SLC26A7: variants seen among roughly 807,000 people sequenced by gnomAD.
The protein encoded by SLC26A7 is solute carrier family 26 member 7.
SLC26A7 carries 59 observed loss-of-function variants against 82.5 expected under a neutral mutation model. The ratio of observed to expected loss-of-function variants is 0.72; its 90% CI spans 0.58 to 0.89. SLC26A7 has a LOEUF of 0.89. SLC26A7 is among the 40% of genes least tolerant of loss of function. The pLI is 0.00. For synonymous variants in SLC26A7, 271 were observed against 274.3 expected, an observed-to-expected ratio of 0.99 and a Z score of 0.12; for missense variants, 820 against 793.0, an observed-to-expected ratio of 1.03 and a Z score of -0.41.
At chr8:91,387,009 T>C (rs909383379) in intron 15 of SLC26A7, among the ~76,000 whole-genome samples, 1 of 152,264 alleles carries the variant, frequency 6.6e-6, no homozygotes, top group East Asian at 1.9e-4. Flanking sequence ...CTCCATTATA[T>C]ATATTTTACC....
At chr8:91,286,723 G>A (rs181251703) in intron 2 of SLC26A7, among the ~76,000 whole-genome samples, 29 of 152,206 alleles carry the variant, frequency 1.9e-4, no homozygotes, top group Admixed American at 3.3e-4. Context: ...ATTTGTTAGC[G>A]ACTTATTAAG....
chr8:91,390,607 G>A (rs1348641506), intron 16 of SLC26A7, among the ~76,000 whole-genome samples: 2 of 151,958 alleles, frequency 1.3e-5, no homozygotes, highest in Non-Finnish European at 2.9e-5. Context: ...TTACTTCCCA[G>A]AGGTTTTCTT....
intron 2 of SLC26A7, among the ~76,000 whole-genome samples, chr8:91,284,434 TA>T (rs1235132889): frequency 1.3e-5 from 2 of 152,246 alleles, no homozygotes; most frequent in Non-Finnish European, 2.9e-5. Flanking sequence ...AGGAGACAAT[TA>T]AATTGTGTTT....
At chr8:91,213,698 G>A (rs1031068448) in intron 1 of SLC26A7, among the ~76,000 whole-genome samples, 2 of 152,210 alleles carry the variant, frequency 1.3e-5, no homozygotes, top group Non-Finnish European at 2.9e-5. Context: ...ACTGTAGGTT[G>A]TCTGGTTTGG....
At position 91,306,923 on chromosome 8, in the gene SLC26A7, A is replaced by G. The variant is rs574485513; in HGVS notation, c.477+11220A>G. 3.4e-3 allele frequency among the ~76,000 whole-genome samples: 520 copies of G among 151,362 alleles called. 1 individual carries two copies. Among genetic ancestry groups the G allele is most frequent in the African/African-American group, 0.012 (488 of 41,166 alleles). ...ATCTGACAAAGGGCTAATATCCAGA[A>G]TCTACAATGAACTCAAACAAATTTA... On this transcript the variant is annotated intron_variant, in intron 4 of 18. Coordinates refer to ENST00000276609, the MANE Select transcript of SLC26A7 (RefSeq NM_052832.4).
chr8:91,349,356 T>A (rs890506388), intron 9 of SLC26A7, among the ~76,000 whole-genome samples: 1 of 152,198 alleles, frequency 6.6e-6, no homozygotes, highest in Non-Finnish European at 1.5e-5. Context: ...ACTCTTGACT[T>A]ATTTTTACTA....
intron 2 of SLC26A7, among the ~76,000 whole-genome samples, chr8:91,231,131 G>A (rs1236783896): frequency 6.6e-6 from 1 of 152,108 alleles, no homozygotes; most frequent in East Asian, 1.9e-4. Context: ...TGGTAGAAAA[G>A]GATGAGTTTG....
At chr8:91,301,491 A>G (rs937691915) in intron 4 of SLC26A7, among the ~76,000 whole-genome samples, 1 of 152,068 alleles carries the variant, frequency 6.6e-6, no homozygotes, top group Non-Finnish European at 1.5e-5. Context: ...ATCTTTTCAA[A>G]TGTATTTACA....
At chr8:91,227,011 G>A (rs2130669822) in intron 2 of SLC26A7, among the ~76,000 whole-genome samples, 1 of 152,322 alleles carries the variant, frequency 6.6e-6, no homozygotes, top group South Asian at 2.1e-4. Flanking sequence ...ATCTGCTTCT[G>A]CCCTGTGGGG....
chr8:91,241,751 T>C (rs983385519), intron 2 of SLC26A7, among the ~76,000 whole-genome samples: 9 of 152,126 alleles, frequency 5.9e-5, no homozygotes, highest in Non-Finnish European at 7.4e-5. Context: ...ACCCTAAAAA[T>C]AATTATAAGC....
intron 2 of SLC26A7, among the ~76,000 whole-genome samples, chr8:91,239,395 AATATAT>A (rs1554600120): frequency 9.5e-5 from 9 of 94,872 alleles, no homozygotes; most frequent in African/African-American, 3.2e-4. Context: ...AAAAAAAAAA[AATATAT>A]ATATATATAT....
In SLC26A7 at chr8:91,353,009, T is replaced by G; in HGVS notation, c.1314+13T>G. ...TAAAATCGATTGGGTAAGTAGAAAT[T>G]TGACCTAAAACAATCCCTTTTTAGC... On this transcript the variant is annotated intron_variant, in intron 11 of 18. Transcript: ENST00000276609. The G allele has an allele frequency of 6.3e-7, 1 of 1,579,516 alleles. No homozygotes were observed.
chr8:91,218,933 T>C (rs1810108819), exon 2 of SLC26A7: 2 of 1,550,802 alleles, frequency 1.3e-6, no homozygotes, highest in Admixed American at 2.0e-5. Context: ...CCTCTCCAAG[T>C]ATTAATTTGT....
At chr8:91,351,938 A>T in intron 10 of SLC26A7, 51 bp downstream of exon 10, 1 of 1,295,792 alleles carries the variant, frequency 7.7e-7, no homozygotes, top group South Asian at 1.2e-5. Flanking sequence ...TTTTCATGAG[A>T]ATCATTGCAT....
chr8:91,320,341 G>A (rs1396934388), intron 5 of SLC26A7, among the ~76,000 whole-genome samples: 1 of 152,118 alleles, frequency 6.6e-6, no homozygotes, highest in Non-Finnish European at 1.5e-5. Flanking sequence ...TGGACTGCTG[G>A]CTTTAAATTC....
chr8:91,226,062 C>G (rs1810235003), intron 2 of SLC26A7, among the ~76,000 whole-genome samples: 1 of 152,160 alleles, frequency 6.6e-6, no homozygotes, highest in African/African-American at 2.4e-5. Flanking sequence ...GCAGAGGATT[C>G]TCTACTCAGT....
At chr8:91,271,529 A>C (rs1258791971) in intron 2 of SLC26A7, among the ~76,000 whole-genome samples, 2 of 149,232 alleles carry the variant, frequency 1.3e-5, no homozygotes, top group Admixed American at 6.7e-5. Context: ...GAACCAAAGT[A>C]TGTGGGGAGG....
intron 7 of SLC26A7, 23 bp downstream of exon 7, chr8:91,338,255 CATATT>C: frequency 6.5e-7 from 1 of 1,537,208 alleles, no homozygotes; most frequent in South Asian, 1.2e-5. Flanking sequence ...TTTTTAAAAA[CATATT>C]ATTTGTTTGT....
chr8:91,234,679 G>C (rs901679749), intron 2 of SLC26A7, among the ~76,000 whole-genome samples: 1 of 151,922 alleles, frequency 6.6e-6, no homozygotes, highest in African/African-American at 2.4e-5. Flanking sequence ...TTTCAAATGG[G>C]AAAATTGAAA....
Sources: gnomAD v4.1 joint callset for allele counts (sites outside exome capture counted in the v4.1 genomes callset) on GRCh38, gnomAD v4.1.1 for gene constraint, MANE v1.5 for transcripts, NCBI Gene and HGNC (gene_info 2026-07-23, HGNC 2026-07-21) for gene names.